The following FANCI variants were observed in gnomAD, a reference collection of about 807,000 sequenced individuals.
FANCI encodes the protein FA complementation group I, also known as Fanconi anemia group I protein.
FANCI carries 156 observed loss-of-function variants against 176.1 expected under a neutral mutation model. That is an observed-to-expected ratio of 0.89 (90% CI 0.78 to 1.01). The LOEUF (loss-of-function observed/expected upper bound fraction) is 1.01. Ranked by LOEUF, FANCI falls within the 50% of genes least tolerant of loss-of-function variation. The probability of loss-of-function intolerance (pLI) is 0.00; values close to 1 mark genes in which losing one functional copy is unlikely to be tolerated. For synonymous variants in FANCI, 613 were observed against 541.7 expected (o/e 1.13, Z -1.83); for missense variants, 1,678 against 1,534.1 (o/e 1.09, Z -1.57).
At chr15:89,281,537 C>G (rs1304593177) in intron 15 of FANCI, among the ~76,000 whole-genome samples, 1 of 152,214 alleles carries the variant, frequency 6.6e-6, no homozygotes, top group Admixed American at 6.5e-5. Flanking sequence ...AATTAAAACT[C>G]TCTTAGAACA....
In FANCI at chr15:89,314,660, A is replaced by G. The variant is rs765467314; in HGVS notation, c.3769A>G (p.Ile1257Val). The stretch of plus-strand genomic sequence containing the variant: ...GCCAATCCCTAACCTCATCTTTGCC[A>G]TAGAACAGTATGAAAAATTTCTCAT... ...TKPIPNLIFAIEQYEKFLIHL... is the reference protein window; with the variant it reads ...TKPIPNLIFAVEQYEKFLIHL... Residue 1257 changes from isoleucine to valine, a missense_variant, in exon 36 of 38, where the codon ATA (isoleucine) becomes GTA (valine). By Grantham distance (29) the Ile-to-Val change is conservative. This residue lies in a region of FANCI where 1,204 missense variants were observed against 1,077.4 expected (regional missense o/e 1.12). Transcript: ENST00000310775. The G allele has an allele frequency of 1.2e-6, 2 of 1,614,176 alleles. No individual in the cohort carries two copies. The highest frequency in any genetic ancestry group is 1.7e-5 in the Admixed American group (1 of 60,020).
intron 34 of FANCI, among the ~76,000 whole-genome samples, 159 bp from the exon 35 acceptor site, chr15:89,312,745 G>A (rs1412482698): frequency 6.6e-6 from 1 of 151,948 alleles, no homozygotes. Context: ...ACTTAACTCG[G>A]GGCGCAGAGG....
chr15:89,261,194 C>T lies in FANCI; in HGVS notation c.288+351C>T, dbSNP rs2052698343. 3.3e-5 allele frequency among the ~76,000 whole-genome samples: 5 copies of T among 152,040 alleles called. No individual in the cohort carries two copies. In the South Asian group the frequency reaches 1.0e-3, roughly 32 times the overall value. On this transcript the variant is annotated intron_variant, in intron 4 of 37. Transcript: ENST00000310775. Reference sequence around the variant, plus strand: ...GCTGAGGCAGGAAGATCGCCTGAGCCAGGGAGGCGGAGGTTGCAGTGAGCC... The same window carrying T: ...GCTGAGGCAGGAAGATCGCCTGAGCTAGGGAGGCGGAGGTTGCAGTGAGCC...
Position 89,292,881 on chromosome 15 carries a change from C to T in FANCI, c.2169+17C>T, listed in dbSNP as rs775594634. The T allele has an allele frequency of 6.2e-7, 1 of 1,613,930 alleles. No individual in the cohort carries two copies. On this transcript the variant is annotated intron_variant, in intron 21 of 37. Coordinates refer to ENST00000310775, the MANE Select transcript of FANCI (RefSeq NM_001113378.2). ...TTTGAACTGGTAATTGCTAAGTCCT[C>T]AGCTGTATTGAATGATGGAGTTCTT... is the stretch of plus-strand genomic sequence containing the variant.
At chr15:89,269,035 G>T (rs1218393394) in intron 10 of FANCI, among the ~76,000 whole-genome samples, 2 of 152,138 alleles carry the variant, frequency 1.3e-5, no homozygotes, top group African/African-American at 2.4e-5. Flanking sequence ...TAAAAGTAGT[G>T]TACAGATATA....
In FANCI at chr15:89,276,792, T is replaced by C. The variant is rs1691171779; in HGVS notation, c.1194T>C (p.Val398=). ...ILMDSYGPKK[V]LDGKTIETSP... is the part of the protein sequence containing the mutation. ...TGGATTCATATGGGCCAAAGAAGGT[T>C]CTTGATGGAAAAACTATTGAAACCA... Residue 398 remains valine, a synonymous_variant, in exon 13 of 38, where the codon GTT becomes GTC. Transcript: ENST00000310775. The C allele has an allele frequency of 6.2e-7, 1 of 1,614,170 alleles. No individual in the cohort carries two copies. Among genetic ancestry groups the C allele is most frequent in the Non-Finnish European group, 8.5e-7 (1 of 1,180,018 alleles).
rs1596324325 is a variant in FANCI at position 89,305,173 on chromosome 15, TA to T, written c.3119del (p.Lys1040ArgfsTer21). On this transcript the variant is annotated frameshift_variant, in exon 29 of 38. Transcript: ENST00000310775. LOFTEE classifies it high-confidence loss of function. ...TGCTCTTCAGCCTGCATGTTTCGTA[TA>T]AGAGTCCTGTCATTCTGCTGCGTGA... ...NLLFSLHVSY[K>X]SPVILLRDLS... 1 of 1,614,246 alleles carries T rather than the reference TA, an allele frequency of 6.2e-7. No individual in the cohort carries two copies. The highest frequency in any genetic ancestry group is 8.5e-7 in the Non-Finnish European group (1 of 1,180,042).
chr15:89,253,655 C>T (rs2052364374), intron 2 of FANCI, among the ~76,000 whole-genome samples: 1 of 151,844 alleles, frequency 6.6e-6, no homozygotes, highest in Admixed American at 6.6e-5. Context: ...AGTTTGTCTA[C>T]ATATAAGTTA....
intron 24 of FANCI, among the ~76,000 whole-genome samples, chr15:89,296,534 C>T (rs1215114811): frequency 1.3e-5 from 2 of 152,150 alleles, no homozygotes; most frequent in Non-Finnish European, 2.9e-5. Context: ...TCAACAGGAT[C>T]CCAAGGCAGA....
At chr15:89,268,133 T>G (rs1016773785) in intron 9 of FANCI, among the ~76,000 whole-genome samples, 7 of 152,160 alleles carry the variant, frequency 4.6e-5, no homozygotes. Flanking sequence ...GTCTCTCTGT[T>G]GCCTAGGCTG....
At chr15:89,244,470 T>G (rs974598483) in intron 1 of FANCI, among the ~76,000 whole-genome samples, 10 of 152,326 alleles carry the variant, frequency 6.6e-5, no homozygotes, top group African/African-American at 2.4e-4. Flanking sequence ...GGATCTTGGC[T>G]TCAGATCTCT....
In FANCI at chr15:89,273,584, CT is replaced by C. The variant is rs2053290635; in HGVS notation, c.975+117del. ...ATCCGTTCCTAAACAATTTTATCCC[CT>C]TCCTGCCAGCAGCAAAGCTGCAATA... On this transcript the variant is annotated intron_variant, in intron 11 of 37. Coordinates refer to ENST00000310775, the MANE Select transcript of FANCI (RefSeq NM_001113378.2). The C allele has an allele frequency of 4.3e-6, 3 of 697,392 alleles. No individual in the cohort carries two copies. In the South Asian group the frequency reaches 4.8e-5, roughly 11 times the overall value. 43.2% of individuals were successfully genotyped at this position (697,392 alleles called of 1,614,324 possible).
chr15:89,315,434 G>T, intron 37 of FANCI, 45 bp downstream of exon 37: 1 of 1,342,042 alleles, frequency 7.5e-7, no homozygotes, highest in Non-Finnish European at 1.1e-6. Context: ...CTTCCTAGCT[G>T]GTTAGCAGCC....
At chr15:89,302,762 A>G (rs1253577547) in intron 27 of FANCI, among the ~76,000 whole-genome samples, 1 of 152,004 alleles carries the variant, frequency 6.6e-6, no homozygotes, top group African/African-American at 2.4e-5. Context: ...TTTAATAGAG[A>G]CGGGGTTTCA....
At chr15:89,306,333 CA>C in intron 32 of FANCI, 139 bp downstream of exon 32, 1 of 873,930 alleles carries the variant, frequency 1.1e-6, no homozygotes, top group South Asian at 1.4e-5. Flanking sequence ...GTCATGGTTT[CA>C]TTTTAGTTTG....
rs150596713 is a variant in FANCI, at chr15:89,296,509, G to T, written c.2636+1415G>T. 2.1e-4 allele frequency among the ~76,000 whole-genome samples: 32 copies of T among 152,180 alleles called. 1 individual carries two copies. In the South Asian group the frequency reaches 6.7e-3, roughly 32 times the overall value. ...CATGTTTCAGAGAGCACGGGGTTGCGGGTAAGGTCACAGATCAACAGGATC... is the reference window on the plus strand; with the variant it reads ...CATGTTTCAGAGAGCACGGGGTTGCTGGTAAGGTCACAGATCAACAGGATC... On this transcript the variant is annotated intron_variant, in intron 24 of 37. Transcript: ENST00000310775.
rs1427057962 is a variant in FANCI, at chr15:89,281,174, G to A, written c.1386G>A (p.Leu462=). ...ASSPISHFLD[L]LSNIVMYAPL... ...ATTATAGATTCTGTTTTTCAGACCT[G>A]CTTTCAAATATCGTCATGTATGCAC... The change falls in exon 15 of 38, where the codon CTG becomes CTA. Residue 462 remains leucine, a synonymous_variant. Coordinates refer to ENST00000310775, the MANE Select transcript of FANCI (RefSeq NM_001113378.2). 2.5e-6 allele frequency: 4 copies of A among 1,613,358 alleles called. No individual in the cohort carries two copies. Among genetic ancestry groups the A allele is most frequent in the Admixed American group, 1.7e-5 (1 of 60,008 alleles).
chr15:89,297,296 G>A (rs947026416), intron 24 of FANCI, among the ~76,000 whole-genome samples: 12 of 150,858 alleles, frequency 8.0e-5, no homozygotes, highest in Admixed American at 2.0e-4. Context: ...GGGAAGAGGC[G>A]CTCCTCACCT....
intron 19 of FANCI, among the ~76,000 whole-genome samples, chr15:89,291,097 C>G (rs2054048778): frequency 6.6e-6 from 1 of 152,162 alleles, no homozygotes; most frequent in African/African-American, 2.4e-5. Flanking sequence ...ATTCTGCAGA[C>G]TCCAAAAGTT....
Sources: gnomAD v4.1 joint callset for allele counts (sites outside exome capture counted in the v4.1 genomes callset) on GRCh38, gnomAD v4.1.1 for gene constraint, gnomAD v4.1.1 regional missense constraint, MANE v1.5 for transcripts, NCBI Gene and HGNC (gene_info 2026-07-23, HGNC 2026-07-21) for gene names.